The following CCDC3 variants were observed in gnomAD, a reference collection of about 807,000 sequenced individuals.
CCDC3 encodes the protein coiled-coil domain containing 3.
A neutral mutation model predicts 21.4 loss-of-function variants in CCDC3; 24 were observed. The ratio of observed to expected loss-of-function variants is 1.12; its 90% CI spans 0.81 to 1.58. CCDC3 has a LOEUF of 1.58. Among genes scored for constraint, CCDC3 ranks in the 40% most tolerant of loss-of-function variants. The probability of loss-of-function intolerance (pLI) is 0.00; values close to 1 mark genes in which losing one functional copy is unlikely to be tolerated. For synonymous variants in CCDC3, 186 were observed against 166.0 expected (o/e 1.12, Z -0.93); for missense variants, 425 against 360.9 (o/e 1.18, Z -1.44).
At chr10:13,071,894 A>G (rs1239645553) in intron 4 of CCDC3, among the ~76,000 whole-genome samples, 1 of 151,890 alleles carries the variant, frequency 6.6e-6, no homozygotes, top group Non-Finnish European at 1.5e-5. Context: ...GTGATATATA[A>G]TGGTGTCTCT....
intron 5 of CCDC3, among the ~76,000 whole-genome samples, chr10:13,019,742 T>A (rs1201061471): frequency 6.6e-6 from 1 of 152,206 alleles, no homozygotes; most frequent in East Asian, 1.9e-4. Flanking sequence ...ACGCCTGTAA[T>A]CCCAGCACTT....
chr10:12,971,443 G>A (rs1835342064), intron 2 of CCDC3, among the ~76,000 whole-genome samples: 1 of 152,192 alleles, frequency 6.6e-6, no homozygotes. Flanking sequence ...AGATGGAGAT[G>A]CAGAAAAGAA....
At chr10:13,088,424 A>C (rs1440316834) in intron 3 of CCDC3, among the ~76,000 whole-genome samples, 1 of 152,240 alleles carries the variant, frequency 6.6e-6, no homozygotes, top group Non-Finnish European at 1.5e-5. Context: ...GACGTCATAA[A>C]ATGACATCGC....
intron 2 of CCDC3, among the ~76,000 whole-genome samples, chr10:12,991,708 A>G (rs966169796): frequency 6.6e-6 from 1 of 152,202 alleles, no homozygotes; most frequent in Non-Finnish European, 1.5e-5. Flanking sequence ...AAGCAAGCCA[A>G]CCATGGCCTA....
intron 2 of CCDC3, among the ~76,000 whole-genome samples, chr10:12,936,063 GC>G (rs1834732618): frequency 6.6e-6 from 1 of 151,738 alleles, no homozygotes; most frequent in South Asian, 2.1e-4. Flanking sequence ...ATTCTCAGAT[GC>G]CCATTTTTGT....
intron 2 of CCDC3, among the ~76,000 whole-genome samples, chr10:12,914,532 G>T (rs926291181): frequency 4.6e-5 from 7 of 151,916 alleles, no homozygotes; most frequent in Admixed American, 2.0e-4. Context: ...TGCAACCTCC[G>T]CCTCCTGGGT....
At position 13,001,687 on chromosome 10, in the gene CCDC3, CGCT is replaced by C; in HGVS notation, c.-120_-118del. 1.6e-6 allele frequency: 1 copy of C among 637,512 alleles called. No individual in the cohort carries two copies. The highest frequency in any genetic ancestry group is 2.0e-6 in the Non-Finnish European group (1 of 503,618). The allele number at this position is 637,512 out of a possible 1,614,324, so 39.5% of individuals were successfully genotyped here. A position where few individuals can be genotyped will look rare whatever the true frequency, so the allele number is the denominator to read the frequency against. Reference sequence around the variant, plus strand: ...GGCCGCTCCCGGGAGCTGAGCGCACCGCTGTCTCCGCCACGGGGCTCGGCATGC... The same window carrying C: ...GGCCGCTCCCGGGAGCTGAGCGCACCGTCTCCGCCACGGGGCTCGGCATGC... On this transcript the variant is annotated 5_prime_UTR_variant, in exon 1 of 3. Transcript: ENST00000378825.
chr10:13,004,258 C>G (rs1835899480), upstream of CCDC3, among the ~76,000 whole-genome samples: 2 of 139,554 alleles, frequency 1.4e-5, no homozygotes, highest in Non-Finnish European at 3.2e-5. Context: ...TCCCAACTGA[C>G]ACTATAATTA....
At chr10:12,926,705 T>C (rs1031701627) in intron 2 of CCDC3, among the ~76,000 whole-genome samples, 18 of 152,024 alleles carry the variant, frequency 1.2e-4, no homozygotes, top group African/African-American at 4.3e-4. Flanking sequence ...CAGGCACAAA[T>C]AGGTTGAAAG....
At chr10:12,913,040 T>C (rs1834294086) in intron 2 of CCDC3, among the ~76,000 whole-genome samples, 2 of 152,236 alleles carry the variant, frequency 1.3e-5, no homozygotes, top group Non-Finnish European at 2.9e-5. Flanking sequence ...GGTAGTACAA[T>C]GCTTCTTTTT....
At chr10:13,080,613 G>A (rs762854430) in intron 3 of CCDC3, among the ~76,000 whole-genome samples, 1 of 152,194 alleles carries the variant, frequency 6.6e-6, no homozygotes, top group Admixed American at 6.5e-5. Context: ...CTAAACCAAA[G>A]GGAAATATTA....
At chr10:12,979,141 T>C (rs574139498) in intron 2 of CCDC3, among the ~76,000 whole-genome samples, 1 of 152,216 alleles carries the variant, frequency 6.6e-6, no homozygotes, top group African/African-American at 2.4e-5. Flanking sequence ...CTCTATAAAC[T>C]AGCCCTAAAA....
At chr10:13,035,205 T>C (rs1836363684) in intron 5 of CCDC3, among the ~76,000 whole-genome samples, 1 of 152,090 alleles carries the variant, frequency 6.6e-6, no homozygotes, top group Non-Finnish European at 1.5e-5. Context: ...AAGCTGCCTC[T>C]TCTTGGCTTT....
chr10:13,001,291 G>T lies in CCDC3; in HGVS notation c.280C>A (p.Pro94Thr). The change falls in exon 1 of 3, where the codon CCC becomes ACC. Residue 94 changes from proline (P) to threonine (T), a missense_variant. Pro to Thr is a conservative substitution (Grantham distance 38, BLOSUM62 -1). Coordinates refer to ENST00000378825, the MANE Select transcript of CCDC3 (RefSeq NM_031455.4). ...GTGAGGTTGAGCCTGGAGCCGGCGG[G>T]CACCTCCAGCATGCTGCCCCACGCC... ...DQAWGSMLEV[P>T]AGSRLNLTGL... 1 of 1,605,378 alleles carries T rather than the reference G, an allele frequency of 6.2e-7. No homozygotes were observed.
intron 5 of CCDC3, chr10:13,049,637 G>A (rs1836577320): frequency 6.6e-6 from 1 of 152,174 alleles, no homozygotes; most frequent in Non-Finnish European, 1.5e-5. Flanking sequence ...CCTTTTATGG[G>A]AAAACAAAGG....
chr10:12,932,730 G>C (rs1834667479), intron 2 of CCDC3, among the ~76,000 whole-genome samples: 1 of 152,010 alleles, frequency 6.6e-6, no homozygotes, highest in Non-Finnish European at 1.5e-5. Flanking sequence ...GGACATCCTT[G>C]CCTTGTTCCT....
At chr10:12,986,089 C>T (rs907408484) in intron 2 of CCDC3, among the ~76,000 whole-genome samples, 8 of 152,184 alleles carry the variant, frequency 5.3e-5, no homozygotes, top group African/African-American at 1.9e-4. Context: ...GCGTGAGCCA[C>T]CGTGCCTGGC....
At chr10:13,039,887 G>A (rs1836427823) in intron 5 of CCDC3, among the ~76,000 whole-genome samples, 1 of 151,280 alleles carries the variant, frequency 6.6e-6, no homozygotes, top group African/African-American at 2.4e-5. Context: ...GCAGGATCTA[G>A]AATGCTGTTT....
chr10:12,965,889 T>C (rs571898656), intron 2 of CCDC3, among the ~76,000 whole-genome samples: 24 of 152,306 alleles, frequency 1.6e-4, no homozygotes, highest in East Asian at 5.8e-4. Context: ...ATGTAGAGAA[T>C]AGGATTCAGA....
Sources: gnomAD v4.1 joint callset for allele counts (sites outside exome capture counted in the v4.1 genomes callset) on GRCh38, gnomAD v4.1.1 for gene constraint, MANE v1.5 for transcripts, NCBI Gene and HGNC (gene_info 2026-07-23, HGNC 2026-07-21) for gene names.